The following IMMP2L variants were observed in gnomAD, a reference collection of about 807,000 sequenced individuals.
IMMP2L encodes the protein inner mitochondrial membrane peptidase subunit 2.
Under a neutral mutation model 19.3 loss-of-function variants are expected in IMMP2L, and 18 were observed. The observed-to-expected ratio is 0.93, with a 90% CI of 0.64 to 1.38. IMMP2L has a LOEUF of 1.38. Ranked by LOEUF, IMMP2L falls within the 40% of genes most tolerant of loss-of-function variation. The pLI is 0.00. For synonymous variants in IMMP2L, 76 were observed against 73.0 expected (o/e 1.04, Z -0.21); for missense variants, 233 against 218.2 (o/e 1.07, Z -0.43).
At chr7:111,065,474 G>A (rs1794404174) in intron 3 of IMMP2L, among the ~76,000 whole-genome samples, 1 of 152,156 alleles carries the variant, frequency 6.6e-6, no homozygotes, top group African/African-American at 2.4e-5. Context: ...TTGGATTGAA[G>A]GATGCAAAGT....
chr7:111,251,670 A>G (rs959468700), intron 3 of IMMP2L, among the ~76,000 whole-genome samples: 1 of 152,162 alleles, frequency 6.6e-6, no homozygotes, highest in Non-Finnish European at 1.5e-5. Flanking sequence ...ACGTGTTCTT[A>G]TTTATAAATG....
chr7:111,392,869 G>T (rs1328355966), intron 3 of IMMP2L: 2 of 456,356 alleles, frequency 4.4e-6, no homozygotes, highest in African/African-American at 4.0e-5. Flanking sequence ...GTGAGGTCTG[G>T]AAGGGTCCAG....
At chr7:111,366,715 G>A (rs905633286) in intron 3 of IMMP2L, among the ~76,000 whole-genome samples, 2 of 151,876 alleles carry the variant, frequency 1.3e-5, no homozygotes, top group African/African-American at 2.4e-5. Flanking sequence ...AATAATATCT[G>A]AAACTTTCGG....
intron 2 of IMMP2L, among the ~76,000 whole-genome samples, chr7:111,514,787 A>G (rs546695652): frequency 6.6e-6 from 1 of 152,256 alleles, no homozygotes; most frequent in Non-Finnish European, 1.5e-5. Flanking sequence ...ATATTATTTT[A>G]AAGTACATCT....
intron 3 of IMMP2L, among the ~76,000 whole-genome samples, chr7:111,220,228 C>T (rs1354712051): frequency 6.6e-6 from 1 of 151,916 alleles, no homozygotes; most frequent in Non-Finnish European, 1.5e-5. Flanking sequence ...AAAGTCAGAG[C>T]TGAGCTTCTA....
At chr7:111,305,515 C>T (rs1439371436) in intron 3 of IMMP2L, among the ~76,000 whole-genome samples, 2 of 151,306 alleles carry the variant, frequency 1.3e-5, no homozygotes. Flanking sequence ...TCAGTAATAC[C>T]AGAGGCTGCA....
At chr7:110,752,510 T>C (rs532713555) in intron 5 of IMMP2L, among the ~76,000 whole-genome samples, 1 of 152,192 alleles carries the variant, frequency 6.6e-6, no homozygotes, top group East Asian at 1.9e-4. Flanking sequence ...TATGATTATA[T>C]TAAACAATAC....
chr7:111,382,884 T>C (rs1041466642), intron 3 of IMMP2L, among the ~76,000 whole-genome samples: 4 of 152,122 alleles, frequency 2.6e-5, no homozygotes, highest in Non-Finnish European at 5.9e-5. Flanking sequence ...CGGGCACCTT[T>C]AGCTAACAGT....
At chr7:111,067,088 C>A (rs1052206624) in intron 3 of IMMP2L, among the ~76,000 whole-genome samples, 1 of 152,192 alleles carries the variant, frequency 6.6e-6, no homozygotes, top group African/African-American at 2.4e-5. Context: ...TGGTACTTTC[C>A]TGGACCTGCT....
chr7:110,851,031 T>C (rs1806166501), intron 5 of IMMP2L, among the ~76,000 whole-genome samples: 1 of 152,048 alleles, frequency 6.6e-6, no homozygotes, highest in South Asian at 2.1e-4. Context: ...ACAAAAAGAC[T>C]TATGTTGATT....
intron 3 of IMMP2L, among the ~76,000 whole-genome samples, chr7:111,201,500 G>A (rs1810116547): frequency 6.6e-6 from 1 of 152,056 alleles, no homozygotes; most frequent in Non-Finnish European, 1.5e-5. Flanking sequence ...CAGACTGCTT[G>A]AGCCTAGGAG....
At chr7:111,524,547 T>G (rs1263160810) in intron 1 of IMMP2L, among the ~76,000 whole-genome samples, 1 of 152,036 alleles carries the variant, frequency 6.6e-6, no homozygotes, top group Non-Finnish European at 1.5e-5. Context: ...AGATCCCCAC[T>G]CCGACTCAGA....
chr7:111,163,135 C>T (rs1383757000), intron 3 of IMMP2L, among the ~76,000 whole-genome samples: 1 of 152,076 alleles, frequency 6.6e-6, no homozygotes, highest in Non-Finnish European at 1.5e-5. Context: ...GAGATGCAAA[C>T]ATTCTGGGAG....
chr7:111,380,506 A>T (rs1190416541), intron 3 of IMMP2L, among the ~76,000 whole-genome samples: 2 of 152,012 alleles, frequency 1.3e-5, no homozygotes, highest in Non-Finnish European at 2.9e-5. Flanking sequence ...TAGTCCCTTG[A>T]AATTTAACTT....
rs544031171 is a variant in IMMP2L at position 111,496,957 on chromosome 7, T to C, written c.136-9616A>G. On this transcript the variant is annotated intron_variant, in intron 2 of 5. Transcript: ENST00000405709. ...AGACAGATAAATATCCTATTCGTTC[T>C]GTCTCTCCGGTGAGATCTAATTATA... Among the ~76,000 whole-genome samples, 5 of 152,284 alleles carry C rather than the reference T, an allele frequency of 3.3e-5. No individual in the cohort carries two copies. In the South Asian group the frequency reaches 6.2e-4, roughly 19 times the overall value.
At chr7:110,879,039 T>C (rs899252390) in intron 5 of IMMP2L, among the ~76,000 whole-genome samples, 9 of 152,334 alleles carry the variant, frequency 5.9e-5, no homozygotes, top group African/African-American at 2.2e-4. Context: ...CTAATATTTA[T>C]AAGTAATGTG....
At chr7:110,679,933 A>G (rs1237687343) in intron 5 of IMMP2L, among the ~76,000 whole-genome samples, 1 of 152,188 alleles carries the variant, frequency 6.6e-6, no homozygotes, top group Admixed American at 6.5e-5. Context: ...GACACTTCAC[A>G]TTTTTAAAGA....
At chr7:111,374,454 A>T (rs2131143122) in intron 3 of IMMP2L, among the ~76,000 whole-genome samples, 1 of 152,232 alleles carries the variant, frequency 6.6e-6, no homozygotes, top group Non-Finnish European at 1.5e-5. Flanking sequence ...AACCAAAATT[A>T]GGAAAAAGAA....
chr7:111,419,795 A>T (rs1253820493), intron 3 of IMMP2L, among the ~76,000 whole-genome samples: 2 of 151,684 alleles, frequency 1.3e-5, no homozygotes, highest in Non-Finnish European at 2.9e-5. Context: ...TTCTAAATTA[A>T]CTGAGACCTG....
Sources: allele counts gnomAD v4.1 joint callset (sites outside exome capture counted in the v4.1 genomes callset), GRCh38; gene constraint gnomAD v4.1.1; transcripts MANE v1.5; gene names NCBI Gene and HGNC (gene_info 2026-07-23, HGNC 2026-07-21).